The following PPM1H variants were observed in gnomAD, a reference collection of about 807,000 sequenced individuals.
PPM1H encodes the protein protein phosphatase, Mg2+/Mn2+ dependent 1H.
In PPM1H, 27 loss-of-function variants were observed where a neutral mutation model predicts 54.9. That is an observed-to-expected ratio of 0.49 (90% CI 0.36 to 0.68). The LOEUF (loss-of-function observed/expected upper bound fraction) is 0.68. Among genes scored for constraint, PPM1H ranks in the 30% least tolerant of loss-of-function variants. PPM1H has a pLI of 0.00. For missense variants in PPM1H, 596 were observed against 667.8 expected, an observed-to-expected ratio of 0.89 and a Z score of 1.19; for synonymous variants, 305 against 270.8, an observed-to-expected ratio of 1.13 and a Z score of -1.24.
intron 2 of PPM1H, among the ~76,000 whole-genome samples, chr12:62,818,821 CTTTTTTTTT>C (rs771501305): frequency 1.5e-5 from 2 of 135,836 alleles, no homozygotes; most frequent in African/African-American, 2.8e-5. Flanking sequence ...TTTTCTTTTT[CTTTTTTTTT>C]TTTTTTTTGA....
chr12:62,708,424 C>A (rs1224324165), intron 6 of PPM1H, among the ~76,000 whole-genome samples: 3 of 152,164 alleles, frequency 2.0e-5, no homozygotes, highest in Non-Finnish European at 4.4e-5. Flanking sequence ...ATTATCAGCT[C>A]GAAACCAGCT....
At chr12:62,768,907 CT>C (rs767709558) in intron 4 of PPM1H, among the ~76,000 whole-genome samples, 2 of 152,130 alleles carry the variant, frequency 1.3e-5, no homozygotes, top group Non-Finnish European at 2.9e-5. Flanking sequence ...GACAAGACAG[CT>C]GGGGTTTGCC....
At chr12:62,876,986 C>G (rs961309331) in intron 1 of PPM1H, among the ~76,000 whole-genome samples, 1 of 152,304 alleles carries the variant, frequency 6.6e-6, no homozygotes, top group Non-Finnish European at 1.5e-5. Flanking sequence ...GCCCATCTTA[C>G]GTACAAGTTT....
chr12:62,670,055 G>A (rs1342786352), intron 8 of PPM1H, among the ~76,000 whole-genome samples: 2 of 122,878 alleles, frequency 1.6e-5, no homozygotes, highest in Admixed American at 1.1e-4. Flanking sequence ...TCAGCTCACT[G>A]CAACCTCTGC....
intron 4 of PPM1H, among the ~76,000 whole-genome samples, chr12:62,761,094 CA>C (rs2076506079): frequency 6.6e-6 from 1 of 152,014 alleles, no homozygotes; most frequent in African/African-American, 2.4e-5. Flanking sequence ...CAAGAGATAA[CA>C]AAACCACAAC....
At position 62,858,950 on chromosome 12, in the gene PPM1H, C is replaced by T. The variant is rs190925807; in HGVS notation, c.246-26671G>A. 1.8e-4 allele frequency among the ~76,000 whole-genome samples: 28 copies of T among 152,282 alleles called. No homozygotes were observed. In the East Asian group the frequency reaches 5.0e-3, roughly 27 times the overall value. ...CTAAAACCCATTTTAAAGATTTCTT[C>T]CTTTATTCTAATTGTCACACATTAA... On this transcript the variant is annotated intron_variant, in intron 1 of 9. Coordinates refer to ENST00000228705, the MANE Select transcript of PPM1H (RefSeq NM_020700.2).
chr12:62,910,676 G>A (rs1358062983), intron 1 of PPM1H, among the ~76,000 whole-genome samples: 2 of 152,050 alleles, frequency 1.3e-5, no homozygotes, highest in Non-Finnish European at 2.9e-5. Context: ...ACGAAGGAAG[G>A]GCTTAGCAGT....
intron 4 of PPM1H, among the ~76,000 whole-genome samples, chr12:62,780,541 A>G (rs1303428361): frequency 6.6e-6 from 1 of 152,168 alleles, no homozygotes; most frequent in East Asian, 1.9e-4. Flanking sequence ...CCTGGGCTCA[A>G]ATGATCTTCC....
chr12:62,878,502 T>A (rs910611171), intron 1 of PPM1H, among the ~76,000 whole-genome samples: 3 of 151,924 alleles, frequency 2.0e-5, no homozygotes, highest in African/African-American at 7.3e-5. Flanking sequence ...TAACACTTGA[T>A]GGTCTGGTTT....
At chr12:62,866,098 T>A (rs193087648) in intron 1 of PPM1H, among the ~76,000 whole-genome samples, 12 of 152,182 alleles carry the variant, frequency 7.9e-5, no homozygotes, top group African/African-American at 2.9e-4. Context: ...AGGGGTGTCA[T>A]TGGAGTAAGA....
At chr12:62,886,223 G>A (rs1341427819) in intron 1 of PPM1H, among the ~76,000 whole-genome samples, 1 of 152,106 alleles carries the variant, frequency 6.6e-6, no homozygotes, top group East Asian at 1.9e-4. Context: ...ACTATCTTTA[G>A]TAAGCAAGCA....
intron 4 of PPM1H, among the ~76,000 whole-genome samples, chr12:62,756,433 CAA>C (rs35608002): frequency 7.2e-6 from 1 of 138,142 alleles, no homozygotes. Flanking sequence ...TGCACTCAGC[CAA>C]AAAAAAAAAA....
chr12:62,654,642 A>T (rs1317643708), intron 9 of PPM1H, among the ~76,000 whole-genome samples: 1 of 151,980 alleles, frequency 6.6e-6, no homozygotes, highest in Non-Finnish European at 1.5e-5. Context: ...TCGGTCTCTC[A>T]CTCTGCCTTT....
chr12:62,660,182 T>G (rs932567558), intron 9 of PPM1H, among the ~76,000 whole-genome samples: 1 of 152,210 alleles, frequency 6.6e-6, no homozygotes, highest in African/African-American at 2.4e-5. Flanking sequence ...TCTTTGTCCA[T>G]GAGCCTCCCA....
At chr12:62,702,570 G>GAC (rs1173623244) in intron 6 of PPM1H, among the ~76,000 whole-genome samples, 1 of 152,042 alleles carries the variant, frequency 6.6e-6, no homozygotes, top group Non-Finnish European at 1.5e-5. Flanking sequence ...GAGAGAGAGA[G>GAC]AGAGAGAGAG....
At chr12:62,688,216 C>T (rs972318626) in intron 8 of PPM1H, among the ~76,000 whole-genome samples, 6 of 152,074 alleles carry the variant, frequency 3.9e-5, no homozygotes, top group Admixed American at 3.3e-4. Context: ...GGGACAGAGG[C>T]TGCCCCTCCT....
intron 2 of PPM1H, among the ~76,000 whole-genome samples, chr12:62,813,778 A>T (rs889880009): frequency 6.6e-6 from 1 of 152,144 alleles, no homozygotes; most frequent in Non-Finnish European, 1.5e-5. Context: ...ATTGTTAATG[A>T]TGAATTTTGC....
At chr12:62,863,337 TTTAAGTAAAA>T (rs1869669744) in intron 1 of PPM1H, among the ~76,000 whole-genome samples, 1 of 152,154 alleles carries the variant, frequency 6.6e-6, no homozygotes, top group Admixed American at 6.5e-5. Context: ...CCCAGAGCTG[TTTAAGTAAAA>T]ATGATTATAA....
intron 1 of PPM1H, among the ~76,000 whole-genome samples, chr12:62,860,226 T>C (rs1869547747): frequency 6.6e-6 from 1 of 151,936 alleles, no homozygotes. Flanking sequence ...TACCATTAGA[T>C]CTCGTGAGAA....
Sources: gnomAD v4.1 joint callset for allele counts (sites outside exome capture counted in the v4.1 genomes callset) on GRCh38, gnomAD v4.1.1 for gene constraint, MANE v1.5 for transcripts, NCBI Gene and HGNC (gene_info 2026-07-23, HGNC 2026-07-21) for gene names.